Variants in ZNF280D observed in about 807,000 individuals in gnomAD.
ZNF280D encodes suppressor of hairy wing homolog 4.
In ZNF280D, 39 loss-of-function variants were observed where a neutral mutation model predicts 94.7. The ratio of observed to expected loss-of-function variants is 0.41; its 90% CI spans 0.32 to 0.54. The LOEUF (loss-of-function observed/expected upper bound fraction) is 0.54, where lower values mean the gene tolerates loss of function less well. Among genes scored for constraint, ZNF280D ranks in the 20% least tolerant of loss-of-function variants. The pLI is 0.22. For synonymous variants in ZNF280D, 398 were observed against 377.6 expected, an observed-to-expected ratio of 1.05 and a Z score of -0.63; for missense variants, 1,090 against 1,149.3, an observed-to-expected ratio of 0.95 and a Z score of 0.75.
intron 20 of ZNF280D, among the ~76,000 whole-genome samples, chr15:56,636,167 C>G (rs762653246): frequency 3.3e-5 from 5 of 151,976 alleles, no homozygotes; most frequent in Admixed American, 6.6e-5. Flanking sequence ...AAGAAAACAC[C>G]AAAGTATACT....
At chr15:56,713,315 T>C (rs1455228232) in intron 1 of ZNF280D, among the ~76,000 whole-genome samples, 3 of 152,152 alleles carry the variant, frequency 2.0e-5, no homozygotes, top group African/African-American at 7.2e-5. Context: ...CTCATAAAGT[T>C]AGCTCAAGAT....
At chr15:56,695,655 G>A (rs1365278380) in intron 6 of ZNF280D, among the ~76,000 whole-genome samples, 2 of 150,686 alleles carry the variant, frequency 1.3e-5, no homozygotes, top group East Asian at 2.0e-4. Flanking sequence ...TCAGCCTCCC[G>A]AGTAGCCGGG....
chr15:56,708,565 G>C (rs985212856), intron 1 of ZNF280D, among the ~76,000 whole-genome samples: 1 of 151,970 alleles, frequency 6.6e-6, no homozygotes. Context: ...GAATTTTCTT[G>C]GTAAAGCACA....
chr15:56,724,262 C>G (rs566811312), intron 1 of ZNF280D, among the ~76,000 whole-genome samples: 1 of 152,248 alleles, frequency 6.6e-6, no homozygotes, highest in South Asian at 2.1e-4. Flanking sequence ...CAATAAAGAG[C>G]CCCCAAATTA....
intron 17 of ZNF280D, 135 bp downstream of exon 17, chr15:56,658,289 G>C: frequency 1.6e-6 from 1 of 637,554 alleles, no homozygotes; most frequent in East Asian, 3.1e-5. Context: ...GCACAACTCT[G>C]TGAATATCCT....
intron 19 of ZNF280D, among the ~76,000 whole-genome samples, chr15:56,651,766 T>C (rs2053220022): frequency 6.6e-6 from 1 of 152,182 alleles, no homozygotes; most frequent in African/African-American, 2.4e-5. Context: ...TTTTTTATTG[T>C]TATATTGTTA....
Position 56,668,896 on chromosome 15 carries a change from AT to A in ZNF280D, c.1471del (p.Met491TrpfsTer12). The A allele has an allele frequency of 6.2e-7, 1 of 1,612,088 alleles. No homozygotes were observed. Among genetic ancestry groups the A allele is most frequent in the Non-Finnish European group, 8.5e-7 (1 of 1,178,994 alleles). On this transcript the variant is annotated frameshift_variant, in exon 14 of 22. Transcript: ENST00000267807. LOFTEE classifies it high-confidence loss of function. ...TCGATGGTGTTGAGTCTTATGATCC[AT>A]TTTCTCCTTGCATGTCAAAAACTGC... ...RLQFLTCKEKMDHKTQHHRTF... is the reference protein window; with the variant it reads ...RLQFLTCKEKXDHKTQHHRTF...
intron 16 of ZNF280D, among the ~76,000 whole-genome samples, chr15:56,663,980 G>A (rs1317964590): frequency 6.6e-6 from 1 of 152,144 alleles, no homozygotes; most frequent in Admixed American, 6.6e-5. Context: ...CATATTGTAT[G>A]CTTGTAACAA....
intron 16 of ZNF280D, among the ~76,000 whole-genome samples, chr15:56,659,467 C>T (rs1032084683): frequency 2.6e-5 from 4 of 151,804 alleles, no homozygotes; most frequent in African/African-American, 7.3e-5. Flanking sequence ...AGACAGACTA[C>T]GTTCATATAA....
intron 1 of ZNF280D, chr15:56,733,038 G>C (rs1276303718): frequency 6.6e-6 from 1 of 152,444 alleles, no homozygotes; most frequent in Non-Finnish European, 1.5e-5. Context: ...AAGAGACACG[G>C]GGGTGGGCTG....
chr15:56,705,060 A>G (rs1005832793), intron 3 of ZNF280D, among the ~76,000 whole-genome samples: 15 of 152,266 alleles, frequency 9.9e-5, no homozygotes, highest in African/African-American at 3.4e-4. Context: ...AATTAGGCTT[A>G]TTCAATTAAA....
intron 11 of ZNF280D, among the ~76,000 whole-genome samples, chr15:56,678,069 G>A (rs185240602): frequency 5.2e-4 from 78 of 150,514 alleles, no homozygotes; most frequent in African/African-American, 1.7e-3. Flanking sequence ...GTGCAATGGC[G>A]CAATCTCGGC....
chr15:56,634,891 T>C (rs1008425022), intron 21 of ZNF280D, among the ~76,000 whole-genome samples: 1 of 152,140 alleles, frequency 6.6e-6, no homozygotes. Context: ...ATCTTGTAAA[T>C]GTTTTCATTT....
chr15:56,682,493 A>AAG lies in ZNF280D; in HGVS notation c.781-17_781-16insCT. The AAG allele has an allele frequency of 6.9e-7, 1 of 1,454,960 alleles. No individual in the cohort carries two copies. Among genetic ancestry groups the AAG allele is most frequent in the Non-Finnish European group, 9.2e-7 (1 of 1,085,464 alleles). 90.1% of individuals were successfully genotyped at this position (1,454,960 alleles called of 1,614,324 possible). A position where few individuals can be genotyped will look rare whatever the true frequency, so the allele number is the denominator to read the frequency against. ...GACAACAATACTGAAAGAGAAAAAA[A>AAG]AAAAAAAAAAACAAGCCTTACTTAT... On this transcript the variant is annotated splice_polypyrimidine_tract_variant and intron_variant, in intron 9 of 21. Coordinates refer to ENST00000267807, the MANE Select transcript of ZNF280D (RefSeq NM_017661.4).
intron 1 of ZNF280D, among the ~76,000 whole-genome samples, chr15:56,713,344 AAACT>A (rs2057873890): frequency 6.6e-6 from 1 of 152,352 alleles, no homozygotes; most frequent in East Asian, 1.9e-4. Flanking sequence ...ATCTATAAAA[AAACT>A]AACAATTTAC....
rs778553559 is a variant in ZNF280D, at chr15:56,680,297, A to G, written c.1005-1476T>C. ...GTTGAAGTAAAATATTATATAATAC[A>G]TTTAACTTCTTTGTTCACGAGGTGT... On this transcript the variant is annotated intron_variant, in intron 10 of 21. Coordinates refer to ENST00000267807, the MANE Select transcript of ZNF280D (RefSeq NM_017661.4). Among the ~76,000 whole-genome samples, 24 of 152,182 alleles carry G rather than the reference A, an allele frequency of 1.6e-4. 1 individual carries two copies. Among genetic ancestry groups the G allele is most frequent in the Admixed American group, 7.2e-4 (11 of 15,272 alleles).
At chr15:56,687,188 G>A (rs2056083498) in intron 9 of ZNF280D, among the ~76,000 whole-genome samples, 1 of 151,930 alleles carries the variant, frequency 6.6e-6, no homozygotes, top group South Asian at 2.1e-4. Context: ...CACATACACT[G>A]TTCATATTAT....
chr15:56,716,611 C>T (rs2058059198), intron 1 of ZNF280D, among the ~76,000 whole-genome samples: 1 of 151,662 alleles, frequency 6.6e-6, no homozygotes. Context: ...GAAATTCTGT[C>T]CTTATCCTAA....
At chr15:56,713,043 T>C (rs917631935) in intron 1 of ZNF280D, among the ~76,000 whole-genome samples, 1 of 152,092 alleles carries the variant, frequency 6.6e-6, no homozygotes, top group Non-Finnish European at 1.5e-5. Context: ...CCCGGTCAAA[T>C]GGTTAACTTC....
Sources: gnomAD v4.1 joint callset for allele counts (sites outside exome capture counted in the v4.1 genomes callset) on GRCh38, gnomAD v4.1.1 for gene constraint, MANE v1.5 for transcripts, NCBI Gene and HGNC (gene_info 2026-07-23, HGNC 2026-07-21) for gene names.